SDHAF3: variants seen among roughly 807,000 people sequenced by gnomAD.
The protein encoded by SDHAF3 is succinate dehydrogenase complex assembly factor 3.
Under a neutral mutation model 11.5 loss-of-function variants are expected in SDHAF3, and 18 were observed. The ratio of observed to expected loss-of-function variants is 1.56; its 90% CI spans 1.08 to 2.32. The LOEUF (loss-of-function observed/expected upper bound fraction) is 2.32. Among genes scored for constraint, SDHAF3 ranks in the 30% most tolerant of loss-of-function variants. SDHAF3 has a pLI of 0.00. For missense variants in SDHAF3, 200 were observed against 154.4 expected, an observed-to-expected ratio of 1.30 and a Z score of -1.57; for synonymous variants, 72 against 59.3, an observed-to-expected ratio of 1.21 and a Z score of -0.99.
At chr7:97,145,024 G>T (rs1431505178) in intron 1 of SDHAF3, among the ~76,000 whole-genome samples, 1 of 150,394 alleles carries the variant, frequency 6.6e-6, no homozygotes, top group Non-Finnish European at 1.5e-5. Context: ...CAACTCCTTG[G>T]TTAGGTATAT....
chr7:97,125,676 T>C (rs1791563257), intron 1 of SDHAF3, among the ~76,000 whole-genome samples: 1 of 152,244 alleles, frequency 6.6e-6, no homozygotes, highest in Non-Finnish European at 1.5e-5. Context: ...GTGTTTTTCA[T>C]CTCCATCAGG....
At chr7:97,178,825 AC>A (rs2115756389) in intron 1 of SDHAF3, among the ~76,000 whole-genome samples, 1 of 152,252 alleles carries the variant, frequency 6.6e-6, no homozygotes, top group East Asian at 1.9e-4. Context: ...CCTTTGATGC[AC>A]AGAAGTATTT....
intron 1 of SDHAF3, among the ~76,000 whole-genome samples, chr7:97,169,415 A>T (rs564376943): frequency 1.8e-3 from 278 of 152,358 alleles, no homozygotes; most frequent in African/African-American, 6.6e-3. Flanking sequence ...TATAATTTTT[A>T]AAATACTTGA....
At chr7:97,167,223 C>CA (rs1789520695) in intron 1 of SDHAF3, among the ~76,000 whole-genome samples, 1 of 152,138 alleles carries the variant, frequency 6.6e-6, no homozygotes, top group Admixed American at 6.5e-5. Context: ...TTGCTGTTCT[C>CA]ACGATAGTGA....
chr7:97,169,881 T>G (rs1169803815), intron 1 of SDHAF3, among the ~76,000 whole-genome samples: 1 of 152,182 alleles, frequency 6.6e-6, no homozygotes, highest in Admixed American at 6.5e-5. Context: ...TTGGAAGAAT[T>G]TTTTCAAAAG....
intron 1 of SDHAF3, among the ~76,000 whole-genome samples, chr7:97,164,052 A>AT (rs2115723946): frequency 6.6e-6 from 1 of 150,562 alleles, no homozygotes; most frequent in East Asian, 2.0e-4. Context: ...GGTTCAAGCG[A>AT]TTCCCCCTCA....
At chr7:97,172,393 C>T (rs978530322) in intron 1 of SDHAF3, among the ~76,000 whole-genome samples, 3 of 152,052 alleles carry the variant, frequency 2.0e-5, no homozygotes, top group Non-Finnish European at 4.4e-5. Flanking sequence ...CTTCATAGTC[C>T]TGTTACTCAG....
intron 1 of SDHAF3, among the ~76,000 whole-genome samples, chr7:97,139,202 C>T (rs1182022801): frequency 6.6e-6 from 1 of 152,222 alleles, no homozygotes; most frequent in Non-Finnish European, 1.5e-5. Context: ...GTTACACTGA[C>T]AACCGAAGGG....
chr7:97,180,656 G>A (rs954193531), intron 1 of SDHAF3, among the ~76,000 whole-genome samples: 3 of 152,166 alleles, frequency 2.0e-5, no homozygotes, highest in Non-Finnish European at 4.4e-5. Flanking sequence ...TTGAGAATCC[G>A]TTGAAAGCTA....
intron 1 of SDHAF3, chr7:97,136,592 C>G (rs959054938): frequency 2.0e-5 from 8 of 406,206 alleles, no homozygotes; most frequent in South Asian, 1.0e-4. Context: ...ATGTACAGTA[C>G]GCTTCTAAAC....
At chr7:97,136,509 T>G (rs1584214340) in intron 1 of SDHAF3, 1 of 595,242 alleles carries the variant, frequency 1.7e-6, no homozygotes, top group Non-Finnish European at 3.0e-6. Flanking sequence ...CACTTTTTTT[T>G]AACAAAATGC....
chr7:97,179,184 T>C (rs1383963087), intron 1 of SDHAF3, among the ~76,000 whole-genome samples: 1 of 152,222 alleles, frequency 6.6e-6, no homozygotes, highest in Non-Finnish European at 1.5e-5. Flanking sequence ...CCTCATTCTA[T>C]TGGTGTTATA....
At chr7:97,155,934 T>C (rs1373742450) in intron 1 of SDHAF3, among the ~76,000 whole-genome samples, 1 of 152,216 alleles carries the variant, frequency 6.6e-6, no homozygotes, top group Non-Finnish European at 1.5e-5. Flanking sequence ...CTTGATATTT[T>C]TGAAAGTTTT....
rs114531898 is a variant in SDHAF3, at chr7:97,132,170, T to G, written c.174+14273T>G. 5.6e-3 allele frequency among the ~76,000 whole-genome samples: 854 copies of G among 152,288 alleles called. 8 individuals are homozygous for G. The highest frequency in any genetic ancestry group is 0.019 in the African/African-American group (792 of 41,576). ...TTTACCAGTCTTTTTCACAAAGGAC[T>G]TGAGGCAGACATGCTCAGTGAGTCA... is the stretch of plus-strand genomic sequence containing the variant. On this transcript the variant is annotated intron_variant, in intron 1 of 1. Transcript: ENST00000432641.
chr7:97,151,520 T>C (rs1257232013), intron 1 of SDHAF3, among the ~76,000 whole-genome samples: 2 of 142,624 alleles, frequency 1.4e-5, no homozygotes. Flanking sequence ...TTTTTTTGAG[T>C]TGGAGTCTCC....
chr7:97,122,615 A>T (rs763111175), intron 1 of SDHAF3, among the ~76,000 whole-genome samples: 1 of 152,124 alleles, frequency 6.6e-6, no homozygotes, highest in Non-Finnish European at 1.5e-5. Context: ...GGAGCATGAT[A>T]CCAGTAACCA....
chr7:97,126,476 T>A (rs903313107), intron 1 of SDHAF3, among the ~76,000 whole-genome samples: 7 of 152,132 alleles, frequency 4.6e-5, no homozygotes, highest in Admixed American at 6.5e-5. Flanking sequence ...TGTAAGCCCC[T>A]GATTGGGGCT....
intron 1 of SDHAF3, among the ~76,000 whole-genome samples, chr7:97,177,056 T>G (rs1789689618): frequency 6.6e-6 from 1 of 152,154 alleles, no homozygotes; most frequent in Admixed American, 6.5e-5. Context: ...TATATATATT[T>G]TTAAACTTTT....
chr7:97,171,634 T>C (rs1396761852), intron 1 of SDHAF3, among the ~76,000 whole-genome samples: 1 of 152,126 alleles, frequency 6.6e-6, no homozygotes. Context: ...ACCTTAATAA[T>C]GCTATTTTCA....
Sources: allele counts gnomAD v4.1 joint callset (sites outside exome capture counted in the v4.1 genomes callset), GRCh38; gene constraint gnomAD v4.1.1; transcripts MANE v1.5; gene names NCBI Gene and HGNC (gene_info 2026-07-23, HGNC 2026-07-21).